The following WWOX variants were observed in gnomAD, a reference collection of about 807,000 sequenced individuals.
WWOX encodes WW domain containing oxidoreductase, also known as WW domain-containing oxidoreductase.
In WWOX, 69 loss-of-function variants were observed where a neutral mutation model predicts 46.2. That is an observed-to-expected ratio of 1.49 (90% CI 1.23 to 1.82). The LOEUF (loss-of-function observed/expected upper bound fraction) is 1.82. Ranked by LOEUF, WWOX falls within the 40% of genes most tolerant of loss-of-function variation. WWOX has a pLI of 0.00. For missense variants in WWOX, 919 were observed against 542.6 expected (o/e 1.69, Z -6.89); for synonymous variants, 359 against 202.6 (o/e 1.77, Z -6.56).
intron 8 of WWOX, among the ~76,000 whole-genome samples, chr16:78,878,691 A>G (rs928408196): frequency 6.6e-6 from 1 of 152,042 alleles, no homozygotes. Context: ...AATTTCCTTT[A>G]TAGACCCCTT....
intron 8 of WWOX, among the ~76,000 whole-genome samples, chr16:78,992,763 G>A (rs1360687354): frequency 2.0e-5 from 3 of 152,112 alleles, no homozygotes; most frequent in African/African-American, 7.2e-5. Context: ...CTGACTCCCG[G>A]AGGAAAGTGT....
At chr16:79,098,438 G>A (rs1375130086) in intron 8 of WWOX, among the ~76,000 whole-genome samples, 3 of 152,174 alleles carry the variant, frequency 2.0e-5, no homozygotes, top group Non-Finnish European at 4.4e-5. Flanking sequence ...GTCACCATGG[G>A]CAAAGGAGTG....
chr16:79,082,635 A>G (rs181348273), intron 8 of WWOX, among the ~76,000 whole-genome samples: 1 of 152,270 alleles, frequency 6.6e-6, no homozygotes, highest in East Asian at 1.9e-4. Flanking sequence ...TCCTATACCT[A>G]TAGTTACAGG....
intron 6 of WWOX, among the ~76,000 whole-genome samples, chr16:78,390,783 T>G (rs2082159214): frequency 6.6e-6 from 1 of 152,202 alleles, no homozygotes; most frequent in African/African-American, 2.4e-5. Context: ...AAAATTTTCT[T>G]GTGTGTAAAA....
chr16:78,973,825 G>A (rs1315318961), intron 8 of WWOX, among the ~76,000 whole-genome samples: 13 of 152,218 alleles, frequency 8.5e-5, no homozygotes. Flanking sequence ...GGGCACCAGG[G>A]CTCATGAGCC....
intron 8 of WWOX, among the ~76,000 whole-genome samples, chr16:78,988,892 G>A (rs548491879): frequency 6.6e-6 from 1 of 152,288 alleles, no homozygotes; most frequent in Non-Finnish European, 1.5e-5. Flanking sequence ...GCTCTGGTGG[G>A]CAGTCAGGCA....
At chr16:78,678,970 C>G (rs1005499235) in intron 8 of WWOX, among the ~76,000 whole-genome samples, 1 of 152,144 alleles carries the variant, frequency 6.6e-6, no homozygotes. Flanking sequence ...CAGCCTGGCC[C>G]TAGACCCTTT....
At chr16:79,141,897 A>G (rs1597412896) in intron 8 of WWOX, among the ~76,000 whole-genome samples, 4 of 152,124 alleles carry the variant, frequency 2.6e-5, no homozygotes, top group South Asian at 2.1e-4. Flanking sequence ...AGGGCGGGCC[A>G]GAAGGAAGCA....
intron 8 of WWOX, among the ~76,000 whole-genome samples, chr16:78,548,044 A>G (rs979533777): frequency 6.6e-6 from 1 of 151,382 alleles, no homozygotes; most frequent in Admixed American, 6.6e-5. Context: ...AATCTCAGGT[A>G]CTCCAGAGGC....
intron 8 of WWOX, chr16:78,552,672 C>G (rs1018211447): frequency 1.3e-5 from 2 of 152,246 alleles, no homozygotes; most frequent in East Asian, 1.9e-4. Context: ...ACTTCTGCAT[C>G]TCTGTTAGTT....
At chr16:78,522,475 T>C (rs1205913661) in intron 8 of WWOX, among the ~76,000 whole-genome samples, 2 of 152,174 alleles carry the variant, frequency 1.3e-5, no homozygotes, top group Non-Finnish European at 2.9e-5. Flanking sequence ...AGTCTCTTCC[T>C]CTGTCTCCGA....
At chr16:78,326,454 C>T (rs1460153250) in intron 5 of WWOX, among the ~76,000 whole-genome samples, 1 of 151,652 alleles carries the variant, frequency 6.6e-6, no homozygotes, top group African/African-American at 2.4e-5. Context: ...TGTTATCGCG[C>T]AAAGGAAGCT....
intron 4 of WWOX, among the ~76,000 whole-genome samples, chr16:78,140,407 ACTG>A (rs1406081847): frequency 6.6e-6 from 1 of 152,090 alleles, no homozygotes; most frequent in Non-Finnish European, 1.5e-5. Flanking sequence ...AGTACCATAA[ACTG>A]GGTGGCTTGG....
intron 8 of WWOX, among the ~76,000 whole-genome samples, chr16:78,452,284 A>G (rs1177889103): frequency 2.0e-5 from 3 of 152,158 alleles, no homozygotes; most frequent in Non-Finnish European, 4.4e-5. Flanking sequence ...TCCTGTCTTC[A>G]GATTTAGATT....
intron 6 of WWOX, among the ~76,000 whole-genome samples, chr16:78,417,748 C>A (rs1285709100): frequency 6.6e-6 from 1 of 152,122 alleles, no homozygotes; most frequent in Non-Finnish European, 1.5e-5. Context: ...AGGCTCGGTG[C>A]TTCAAAGGAT....
At chr16:78,707,954 C>A (rs1047475102) in intron 8 of WWOX, among the ~76,000 whole-genome samples, 16 of 152,178 alleles carry the variant, frequency 1.1e-4, no homozygotes, top group African/African-American at 3.6e-4. Flanking sequence ...TTTGCCATTA[C>A]TTTTAATGGA....
chr16:78,888,106 A>G (rs905222934), intron 8 of WWOX, among the ~76,000 whole-genome samples: 3 of 152,178 alleles, frequency 2.0e-5, no homozygotes, highest in Non-Finnish European at 4.4e-5. Flanking sequence ...TGTGAAATCA[A>G]CTTTCTTGTT....
At position 78,963,826 on chromosome 16, in the gene WWOX, G is replaced by A. The variant is rs770291748; in HGVS notation, c.1057-247782G>A. ...CCCCACCCAAATCTTAACTTGAATC[G>A]TATCTCCCAGAATTCCCACGTGTTG... On this transcript the variant is annotated intron_variant, in intron 8 of 8. Coordinates refer to ENST00000566780, the MANE Select transcript of WWOX (RefSeq NM_016373.4). Among the ~76,000 whole-genome samples the A allele has an allele frequency of 1.6e-4, 25 of 152,224 alleles. No individual in the cohort carries two copies. In the South Asian group the frequency reaches 1.7e-3, roughly 10 times the overall value.
chr16:78,405,066 G>A (rs575170522), intron 6 of WWOX, among the ~76,000 whole-genome samples: 29 of 152,254 alleles, frequency 1.9e-4, no homozygotes, highest in African/African-American at 5.8e-4. Context: ...AGATTTTGTT[G>A]CTGGGACTGC....
Sources: allele counts gnomAD v4.1 joint callset (sites outside exome capture counted in the v4.1 genomes callset), GRCh38; gene constraint gnomAD v4.1.1; transcripts MANE v1.5; gene names NCBI Gene and HGNC (gene_info 2026-07-23, HGNC 2026-07-21).